Variants in PLEKHM3 observed in about 807,000 individuals in gnomAD.
PLEKHM3 encodes pleckstrin homology domain containing M3, also known as pleckstrin homology domain-containing family M member 3.
In PLEKHM3, 45 loss-of-function variants were observed where a neutral mutation model predicts 81.8. The observed-to-expected ratio is 0.55, with a 90% CI of 0.43 to 0.71. PLEKHM3 has a LOEUF of 0.71. Among genes scored for constraint, PLEKHM3 ranks in the 30% least tolerant of loss-of-function variants. The probability of loss-of-function intolerance (pLI) is 0.00; values close to 1 mark genes in which losing one functional copy is unlikely to be tolerated. For synonymous variants in PLEKHM3, 352 were observed against 356.4 expected, an observed-to-expected ratio of 0.99 and a Z score of 0.14; for missense variants, 788 against 924.3, an observed-to-expected ratio of 0.85 and a Z score of 1.91.
chr2:207,880,215 T>G (rs887139573), intron 6 of PLEKHM3, among the ~76,000 whole-genome samples: 7 of 152,090 alleles, frequency 4.6e-5, no homozygotes, highest in African/African-American at 1.7e-4. Flanking sequence ...GAGACCAGCC[T>G]GGCCAACATG....
At chr2:207,982,597 A>G (rs1262126463) in intron 2 of PLEKHM3, among the ~76,000 whole-genome samples, 6 of 100,390 alleles carry the variant, frequency 6.0e-5, no homozygotes, top group Non-Finnish European at 9.7e-5. Flanking sequence ...TTTTTTTTTG[A>G]GACGAAGTCT....
chr2:207,928,708 G>C (rs972214688), intron 5 of PLEKHM3, among the ~76,000 whole-genome samples: 1 of 152,218 alleles, frequency 6.6e-6, no homozygotes, highest in Non-Finnish European at 1.5e-5. Flanking sequence ...CTAATGCAAA[G>C]GTTGGATTGA....
intron 5 of PLEKHM3, among the ~76,000 whole-genome samples, chr2:207,929,220 T>C (rs1044508292): frequency 2.6e-5 from 4 of 152,250 alleles, no homozygotes; most frequent in Admixed American, 2.6e-4. Flanking sequence ...GCCTTGTTTC[T>C]AGAACTCCCA....
chr2:207,885,800 G>C (rs1444417400), intron 6 of PLEKHM3, among the ~76,000 whole-genome samples: 1 of 152,166 alleles, frequency 6.6e-6, no homozygotes, highest in East Asian at 1.9e-4. Flanking sequence ...GTTCTGATAG[G>C]AAAACGATAA....
At chr2:207,877,092 G>A (rs566291198) in intron 6 of PLEKHM3, among the ~76,000 whole-genome samples, 1 of 152,266 alleles carries the variant, frequency 6.6e-6, no homozygotes, top group African/African-American at 2.4e-5. Context: ...TTGGCCCGAA[G>A]AAGGAAATGA....
intron 1 of PLEKHM3, among the ~76,000 whole-genome samples, chr2:208,011,703 C>A (rs935365085): frequency 6.6e-6 from 1 of 151,036 alleles, no homozygotes; most frequent in Non-Finnish European, 1.5e-5. Context: ...TCACAAGTCA[C>A]CACTAAAGAA....
chr2:207,990,248 T>C (rs959828206), intron 2 of PLEKHM3, among the ~76,000 whole-genome samples: 1 of 152,182 alleles, frequency 6.6e-6, no homozygotes, highest in Non-Finnish European at 1.5e-5. Flanking sequence ...TCACAGTAAG[T>C]CTATTCATAT....
chr2:207,963,845 T>C (rs900791046), intron 3 of PLEKHM3, among the ~76,000 whole-genome samples: 4 of 152,074 alleles, frequency 2.6e-5, no homozygotes, highest in African/African-American at 9.7e-5. Context: ...ATTGAACATA[T>C]ATAGAAGAAA....
At position 207,885,193 on chromosome 2, in the gene PLEKHM3, T is replaced by C. The variant is rs1485775624; in HGVS notation, c.1950+23321A>G. 3.9e-5 allele frequency among the ~76,000 whole-genome samples: 6 copies of C among 152,238 alleles called. No homozygotes were observed. The East Asian group carries it at 9.6e-4, about 24-fold the overall frequency. On this transcript the variant is annotated intron_variant, in intron 6 of 7. Transcript: ENST00000427836. Reference sequence around the variant, plus strand: ...AAAGCTCTGACTAGTTTCTACTCTCTTCCTTAGAGCAGTGACTACGGCAGT... The same window carrying C: ...AAAGCTCTGACTAGTTTCTACTCTCCTCCTTAGAGCAGTGACTACGGCAGT...
intron 6 of PLEKHM3, among the ~76,000 whole-genome samples, chr2:207,881,907 C>T (rs1251035247): frequency 6.6e-6 from 1 of 152,146 alleles, no homozygotes; most frequent in Non-Finnish European, 1.5e-5. Context: ...CTGCCTCCCT[C>T]TTTTGCCTCC....
chr2:208,001,320 G>C lies in PLEKHM3; in HGVS notation c.320C>G (p.Ser107Cys), dbSNP rs770785525. The stretch of plus-strand genomic sequence containing the variant: ...TGATGCTTCCTTTTGTTCCATCCAG[G>C]AAAGATTATCTGGGGTTGTCCCTCT... ...VQRGTTPDNL[S>C]WMEQKEASTF... The change falls in exon 2 of 8, where the codon TCC becomes TGC. Residue 107 changes from serine (S) to cysteine (C), a missense_variant. Coordinates refer to ENST00000427836, the MANE Select transcript of PLEKHM3 (RefSeq NM_001080475.3). 1.9e-6 allele frequency: 3 copies of C among 1,614,180 alleles called. No homozygotes were observed. In the South Asian group the frequency reaches 3.3e-5, roughly 18 times the overall value.
chr2:207,936,921 G>T (rs1009380513), intron 4 of PLEKHM3, among the ~76,000 whole-genome samples: 1 of 151,068 alleles, frequency 6.6e-6, no homozygotes, highest in Non-Finnish European at 1.5e-5. Context: ...TTTAAAAAAT[G>T]CAAGGAAGAG....
intron 2 of PLEKHM3, among the ~76,000 whole-genome samples, chr2:207,989,445 A>C (rs942650347): frequency 6.6e-6 from 1 of 152,218 alleles, no homozygotes; most frequent in Non-Finnish European, 1.5e-5. Context: ...AGAGCATTCC[A>C]GATGGTGGGC....
chr2:207,872,722 C>A (rs1458260613), intron 6 of PLEKHM3, among the ~76,000 whole-genome samples: 2 of 152,082 alleles, frequency 1.3e-5, no homozygotes, highest in Non-Finnish European at 2.9e-5. Flanking sequence ...TGCTTGTAAT[C>A]CCAGCTACTC....
At chr2:207,997,182 C>T (rs993904893) in intron 2 of PLEKHM3, among the ~76,000 whole-genome samples, 7 of 152,278 alleles carry the variant, frequency 4.6e-5, no homozygotes, top group African/African-American at 1.7e-4. Context: ...GACCAGGCTT[C>T]CCTATTAGCA....
At chr2:207,930,447 T>C (rs957633396) in intron 5 of PLEKHM3, among the ~76,000 whole-genome samples, 20 of 151,504 alleles carry the variant, frequency 1.3e-4, no homozygotes, top group Non-Finnish European at 5.9e-5. Context: ...AAAAAAATAA[T>C]AAATATATAA....
intron 5 of PLEKHM3, among the ~76,000 whole-genome samples, chr2:207,928,418 G>A (rs959834118): frequency 2.6e-5 from 4 of 152,250 alleles, no homozygotes; most frequent in African/African-American, 4.8e-5. Context: ...TGGCTTTTAA[G>A]TGGAATATTT....
chr2:207,886,089 G>A (rs1687877114), intron 6 of PLEKHM3, among the ~76,000 whole-genome samples: 1 of 151,812 alleles, frequency 6.6e-6, no homozygotes, highest in African/African-American at 2.4e-5. Flanking sequence ...CAAAACAAAA[G>A]CTACCATCTA....
chr2:207,850,006 T>A (rs1358505125), intron 7 of PLEKHM3, among the ~76,000 whole-genome samples: 1 of 152,160 alleles, frequency 6.6e-6, no homozygotes, highest in Admixed American at 6.5e-5. Context: ...CAGCTTTTGG[T>A]GATGCCTCGA....
Sources: gnomAD v4.1 joint callset for allele counts (sites outside exome capture counted in the v4.1 genomes callset) on GRCh38, gnomAD v4.1.1 for gene constraint, MANE v1.5 for transcripts, NCBI Gene and HGNC (gene_info 2026-07-23, HGNC 2026-07-21) for gene names.